Variants in PPFIA2 observed in about 807,000 individuals in gnomAD.
PPFIA2 encodes PPFI scaffold protein A2, also known as liprin-alpha-2.
In PPFIA2, 46 loss-of-function variants were observed where a neutral mutation model predicts 175.5. The ratio of observed to expected loss-of-function variants is 0.26; its 90% CI spans 0.21 to 0.34. The LOEUF (loss-of-function observed/expected upper bound fraction) is 0.34. Among genes scored for constraint, PPFIA2 ranks in the 10% least tolerant of loss-of-function variants. The pLI, the probability that PPFIA2 is intolerant of heterozygous loss-of-function variation, is 1.00. For synonymous variants in PPFIA2, 568 were observed against 511.4 expected, an observed-to-expected ratio of 1.11 and a Z score of -1.49; for missense variants, 1,179 against 1,506.1, an observed-to-expected ratio of 0.78 and a Z score of 3.60.
At chr12:81,530,544 G>A (rs1335756504) in intron 4 of PPFIA2, among the ~76,000 whole-genome samples, 1 of 151,796 alleles carries the variant, frequency 6.6e-6, no homozygotes, top group African/African-American at 2.4e-5. Context: ...AATTGTTCAA[G>A]TTTATTATTT....
intron 4 of PPFIA2, among the ~76,000 whole-genome samples, chr12:81,597,486 AAATT>A (rs2059370445): frequency 6.6e-6 from 1 of 152,120 alleles, no homozygotes; most frequent in Non-Finnish European, 1.5e-5. Context: ...ACACATAAGA[AAATT>A]AAATAATGGG....
chr12:81,533,727 C>CTATG (rs1555461180), intron 4 of PPFIA2, among the ~76,000 whole-genome samples: 1 of 119,792 alleles, frequency 8.3e-6, no homozygotes, highest in Admixed American at 7.9e-5. Flanking sequence ...ATCTATCTAT[C>CTATG]TATCTATCTA....
chr12:81,727,204 C>T (rs527534111), intron 3 of PPFIA2, among the ~76,000 whole-genome samples: 1 of 151,328 alleles, frequency 6.6e-6, no homozygotes, highest in Admixed American at 6.6e-5. Flanking sequence ...CAAAATAATG[C>T]TATTTTTCTC....
intron 7 of PPFIA2, among the ~76,000 whole-genome samples, chr12:81,409,964 C>T (rs1369006993): frequency 6.6e-6 from 1 of 152,072 alleles, no homozygotes; most frequent in Non-Finnish European, 1.5e-5. Flanking sequence ...AAACCTAGGG[C>T]TCAATGTGAT....
chr12:81,322,876 G>C (rs994857131), intron 22 of PPFIA2, among the ~76,000 whole-genome samples: 19 of 152,120 alleles, frequency 1.2e-4, no homozygotes, highest in Non-Finnish European at 2.2e-4. Context: ...AGACAATAGA[G>C]AGAAATATAA....
At position 81,642,703 on chromosome 12, in the gene PPFIA2, T is replaced by TGCATGTATGTATTACATAC. The variant is rs1173180908; in HGVS notation, c.303+34087_303+34088insGTATGTAATACATACATGC. The stretch of plus-strand genomic sequence containing the variant: ...TGTATCTATTATATACATACATGTA[T>TGCATGTATGTATTACATAC]ATGTATGTATGTATTATATACATAC... On this transcript the variant is annotated intron_variant, in intron 4 of 32. Transcript: ENST00000549396. Among the ~76,000 whole-genome samples, 7 of 13,928 alleles carry TGCATGTATGTATTACATAC rather than the reference T, an allele frequency of 5.0e-4. 2 individuals carry two copies. Among genetic ancestry groups the TGCATGTATGTATTACATAC allele is most frequent in the African/African-American group, 2.5e-3 (7 of 2,848 alleles). 9.1% of individuals were successfully genotyped at this position (13,928 alleles called of 152,430 possible).
At chr12:81,736,586 T>G (rs17691177) in intron 3 of PPFIA2, among the ~76,000 whole-genome samples, 23,951 of 151,874 alleles carry the variant, frequency 0.16, 1,965 homozygotes, top group Middle Eastern at 0.24. Context: ...CCGGAGGAAG[T>G]AAGAGTTTTT....
chr12:81,404,682 T>A (rs568957680), intron 8 of PPFIA2, among the ~76,000 whole-genome samples: 3 of 152,330 alleles, frequency 2.0e-5, no homozygotes, highest in African/African-American at 7.2e-5. Context: ...TGTTCATTTG[T>A]CAGCCACCAG....
chr12:81,571,502 C>T (rs1230769571), intron 4 of PPFIA2, among the ~76,000 whole-genome samples: 1 of 151,992 alleles, frequency 6.6e-6, no homozygotes, highest in Non-Finnish European at 1.5e-5. Context: ...GGTTGAAATC[C>T]CAGCTCTTCA....
At chr12:81,385,735 G>T (rs2038786100) in intron 8 of PPFIA2, among the ~76,000 whole-genome samples, 1 of 152,078 alleles carries the variant, frequency 6.6e-6, no homozygotes, top group Non-Finnish European at 1.5e-5. Context: ...GTTAATGGGA[G>T]ATGTTAGTCA....
chr12:81,395,941 T>C lies in PPFIA2; in HGVS notation c.762+9846A>G, dbSNP rs138162326. Among the ~76,000 whole-genome samples the C allele has an allele frequency of 2.7e-3, 418 of 152,170 alleles. 1 individual carries two copies. The highest frequency in any genetic ancestry group is 0.01 in the Middle Eastern group (3 of 294). On this transcript the variant is annotated intron_variant, in intron 8 of 32. Coordinates refer to ENST00000549396, the MANE Select transcript of PPFIA2 (RefSeq NM_003625.5). ...TGGCCCCTCTTCCAGTCTAATACAT[T>C]GTAAATGGCAGTTATATCCATATGC...
intron 24 of PPFIA2, among the ~76,000 whole-genome samples, chr12:81,285,150 G>A (rs909186308): frequency 4.6e-5 from 7 of 151,986 alleles, no homozygotes; most frequent in Admixed American, 1.3e-4. Context: ...GTACAGTTTC[G>A]AAACCAAAGT....
At chr12:81,448,312 G>A (rs1375837253) in intron 5 of PPFIA2, among the ~76,000 whole-genome samples, 1 of 152,000 alleles carries the variant, frequency 6.6e-6, no homozygotes. Flanking sequence ...TCTCTTTCAT[G>A]CTCCCTCAGT....
chr12:81,627,335 A>G (rs571067600), intron 4 of PPFIA2, among the ~76,000 whole-genome samples: 1 of 152,198 alleles, frequency 6.6e-6, no homozygotes, highest in African/African-American at 2.4e-5. Context: ...GAGGTTATGG[A>G]TTTCCCAGTT....
intron 3 of PPFIA2, among the ~76,000 whole-genome samples, chr12:81,699,363 T>C (rs1260681364): frequency 1.3e-5 from 2 of 151,894 alleles, no homozygotes; most frequent in African/African-American, 2.4e-5. Flanking sequence ...TAAATTTTCA[T>C]GATTTCAATA....
At chr12:81,318,253 T>C (rs1006560305) in intron 22 of PPFIA2, among the ~76,000 whole-genome samples, 3 of 151,766 alleles carry the variant, frequency 2.0e-5, no homozygotes, top group African/African-American at 7.2e-5. Context: ...TAATCCACTT[T>C]AAGTAACTTT....
chr12:81,340,446 G>A (rs529598448), intron 20 of PPFIA2, among the ~76,000 whole-genome samples: 68 of 152,138 alleles, frequency 4.5e-4, no homozygotes, highest in African/African-American at 1.6e-3. Context: ...TACATGCTTA[G>A]GTATATTCAT....
At chr12:81,679,567 A>C (rs551319004) in intron 3 of PPFIA2, among the ~76,000 whole-genome samples, 1 of 152,072 alleles carries the variant, frequency 6.6e-6, no homozygotes, top group South Asian at 2.1e-4. Context: ...AGAATGTAGA[A>C]GATGAATGAA....
At chr12:81,297,917 T>C (rs2046885808) in intron 23 of PPFIA2, 2 of 152,258 alleles carry the variant, frequency 1.3e-5, no homozygotes, top group Non-Finnish European at 2.9e-5. Context: ...ATCTTGTTTA[T>C]TCCATTTTAT....
Sources: allele counts gnomAD v4.1 joint callset (sites outside exome capture counted in the v4.1 genomes callset), GRCh38; gene constraint gnomAD v4.1.1; transcripts MANE v1.5; gene names NCBI Gene and HGNC (gene_info 2026-07-23, HGNC 2026-07-21).